The following TEKT5 variants were observed in gnomAD, a reference collection of about 807,000 sequenced individuals.
The protein encoded by TEKT5 is tektin 5.
A neutral mutation model predicts 48.7 loss-of-function variants in TEKT5; 52 were observed. The ratio of observed to expected loss-of-function variants is 1.07; its 90% CI spans 0.86 to 1.35. The LOEUF (loss-of-function observed/expected upper bound fraction) is 1.35, where lower values mean the gene tolerates loss of function less well. Ranked by LOEUF, TEKT5 falls within the 40% of genes most tolerant of loss-of-function variation. The pLI is 0.00. For missense variants in TEKT5, 831 were observed against 641.6 expected (o/e 1.30, Z -3.19); for synonymous variants, 318 against 267.6 (o/e 1.19, Z -1.84).
At chr16:10,683,094 G>A (rs555649364) in intron 3 of TEKT5, among the ~76,000 whole-genome samples, 1 of 152,210 alleles carries the variant, frequency 6.6e-6, no homozygotes, top group Non-Finnish European at 1.5e-5. Flanking sequence ...ACAACACAGA[G>A]GAAACCATTA....
intron 1 of TEKT5, among the ~76,000 whole-genome samples, chr16:10,691,897 G>A (rs930289637): frequency 9.4e-5 from 14 of 148,836 alleles, no homozygotes; most frequent in Admixed American, 1.4e-4. Flanking sequence ...GCAGTGAGCC[G>A]AGATCGCACC....
intron 4 of TEKT5, among the ~76,000 whole-genome samples, chr16:10,678,427 T>G (rs902682330): frequency 1.2e-4 from 19 of 152,152 alleles, no homozygotes; most frequent in African/African-American, 4.6e-4. Flanking sequence ...CACACTTAGG[T>G]TGCATGGTGC....
intron 5 of TEKT5, among the ~76,000 whole-genome samples, chr16:10,657,500 T>C (rs1898281719): frequency 6.6e-6 from 1 of 152,052 alleles, no homozygotes; most frequent in Non-Finnish European, 1.5e-5. Context: ...TAGGAGTGAA[T>C]CCAGTGCTAT....
At chr16:10,654,179 T>C (rs115618524) in intron 5 of TEKT5, among the ~76,000 whole-genome samples, 19 of 152,068 alleles carry the variant, frequency 1.2e-4, no homozygotes, top group Non-Finnish European at 1.6e-4. Flanking sequence ...GACTCCCGAG[T>C]TGCTGGAACT....
chr16:10,637,665 T>C (rs1193187875), intron 5 of TEKT5, among the ~76,000 whole-genome samples: 2 of 152,266 alleles, frequency 1.3e-5, no homozygotes, highest in Non-Finnish European at 2.9e-5. Flanking sequence ...TAAACATAGA[T>C]GAAAATTCAT....
chr16:10,629,113 A>C (rs1897798201), intron 6 of TEKT5, among the ~76,000 whole-genome samples: 1 of 152,156 alleles, frequency 6.6e-6, no homozygotes. Context: ...GAGAATGTAG[A>C]AGATTGCTTA....
Position 10,627,760 on chromosome 16 carries a change from C to A in TEKT5, c.1281G>T (p.Gln427His), listed in dbSNP as rs748555840. ...NEVFTIDDTL[Q>H]TLKLRLRETQ... is the part of the protein sequence containing the mutation. ...TCTCCCGCAGCCGCAGCTTGAGGGTCTGCAGGGTGTCGTCGATGGTGAACA... is the reference window on the plus strand; with the variant it reads ...TCTCCCGCAGCCGCAGCTTGAGGGTATGCAGGGTGTCGTCGATGGTGAACA... Residue 427 changes from glutamine (Q) to histidine (H), a missense_variant, in exon 7 of 7, where the codon CAG (glutamine) becomes CAT (histidine). Physicochemically the swap from Gln to His is conservative, Grantham distance 24. Transcript: ENST00000283025. 6.2e-7 allele frequency: 1 copy of A among 1,614,220 alleles called. No homozygotes were observed. The highest frequency in any genetic ancestry group is 8.5e-7 in the Non-Finnish European group (1 of 1,180,040).
intron 5 of TEKT5, among the ~76,000 whole-genome samples, chr16:10,650,025 C>G (rs1447186187): frequency 1.3e-5 from 2 of 151,950 alleles, no homozygotes; most frequent in Non-Finnish European, 2.9e-5. Flanking sequence ...TCTTCCTCCC[C>G]CTGGTCTCCT....
intron 5 of TEKT5, among the ~76,000 whole-genome samples, chr16:10,663,641 C>T (rs761940961): frequency 6.6e-6 from 1 of 152,222 alleles, no homozygotes; most frequent in East Asian, 1.9e-4. Context: ...GGACTCTCAA[C>T]CCTTGGCACT....
At chr16:10,643,259 G>T (rs1898021334) in intron 5 of TEKT5, among the ~76,000 whole-genome samples, 1 of 151,922 alleles carries the variant, frequency 6.6e-6, no homozygotes, top group Non-Finnish European at 1.5e-5. Flanking sequence ...GATGTCTATA[G>T]TCCTAGCTAG....
chr16:10,635,629 T>G, intron 6 of TEKT5, 135 bp downstream of exon 6: 7 of 1,342,304 alleles, frequency 5.2e-6, no homozygotes, highest in South Asian at 1.4e-5. Flanking sequence ...CTCTACTGAG[T>G]TGTGGGACTG....
chr16:10,673,656 T>C (rs867873715), intron 5 of TEKT5, among the ~76,000 whole-genome samples: 11 of 149,204 alleles, frequency 7.4e-5, no homozygotes, highest in Middle Eastern at 3.4e-3. Context: ...ATTTTTTTTT[T>C]TTTTTTTTTT....
chr16:10,660,343 T>C (rs2142285555), intron 5 of TEKT5, among the ~76,000 whole-genome samples: 1 of 152,286 alleles, frequency 6.6e-6, no homozygotes, highest in Middle Eastern at 3.4e-3. Flanking sequence ...CACCTTTGGC[T>C]GACCAAAGGG....
intron 6 of TEKT5, among the ~76,000 whole-genome samples, chr16:10,634,958 C>G (rs1596399949): frequency 6.6e-6 from 1 of 152,148 alleles, no homozygotes; most frequent in East Asian, 1.9e-4. Flanking sequence ...AATTCCTAAC[C>G]CACGGAAACT....
intron 5 of TEKT5, among the ~76,000 whole-genome samples, chr16:10,663,010 G>A (rs1259984447): frequency 6.6e-6 from 1 of 152,148 alleles, no homozygotes; most frequent in East Asian, 1.9e-4. Context: ...CCCTGCAGAG[G>A]AGAAGCCGGA....
intron 5 of TEKT5, among the ~76,000 whole-genome samples, chr16:10,653,711 G>A (rs189565245): frequency 1.4e-4 from 21 of 152,204 alleles, no homozygotes; most frequent in Admixed American, 8.5e-4. Flanking sequence ...TTAGGAGTTC[G>A]AGACCAGCCT....
intron 5 of TEKT5, among the ~76,000 whole-genome samples, chr16:10,675,428 A>AG (rs1407104924): frequency 6.6e-6 from 1 of 152,216 alleles, no homozygotes. Flanking sequence ...AAACGCCTAA[A>AG]GGGCACACTG....
At chr16:10,691,907 C>G (rs1898986119) in intron 1 of TEKT5, among the ~76,000 whole-genome samples, 1 of 149,502 alleles carries the variant, frequency 6.7e-6, no homozygotes. Context: ...GAGATCGCAC[C>G]ACTGCACTCC....
intron 5 of TEKT5, 141 bp from the exon 6 acceptor site, chr16:10,636,059 G>C (rs1458621333): frequency 3.0e-6 from 4 of 1,321,058 alleles, no homozygotes; most frequent in Admixed American, 4.8e-5. Flanking sequence ...AGCACCTTTA[G>C]GGCAGGAAGC....
Sources: gnomAD v4.1 joint callset for allele counts (sites outside exome capture counted in the v4.1 genomes callset) on GRCh38, gnomAD v4.1.1 for gene constraint, MANE v1.5 for transcripts, NCBI Gene and HGNC (gene_info 2026-07-23, HGNC 2026-07-21) for gene names.